Variants in SHC2 observed in about 807,000 individuals in gnomAD.
The protein encoded by SHC2 is SHC adaptor protein 2.
Under a neutral mutation model 60.6 loss-of-function variants are expected in SHC2, and 62 were observed. That is an observed-to-expected ratio of 1.02 (90% CI 0.83 to 1.26). The LOEUF (loss-of-function observed/expected upper bound fraction) is 1.26, where lower values mean the gene tolerates loss of function less well. Ranked by LOEUF, SHC2 falls within the 50% of genes most tolerant of loss-of-function variation. The pLI is 0.00. For missense variants in SHC2, 873 were observed against 822.2 expected, an observed-to-expected ratio of 1.06 and a Z score of -0.76; for synonymous variants, 375 against 372.4, an observed-to-expected ratio of 1.01 and a Z score of -0.08.
chr19:434,926 G>T, intron 7 of SHC2, 61 bp from the exon 8 acceptor site: 1 of 1,518,732 alleles, frequency 6.6e-7, no homozygotes, highest in Non-Finnish European at 8.9e-7. Context: ...AAAGCCTTAC[G>T]GCTTGAGCTT....
At position 419,042 on chromosome 19, in the gene SHC2, G is replaced by A. The variant is rs753185514; in HGVS notation, c.1635C>T (p.Asp545=). The A allele has an allele frequency of 1.8e-5, 28 of 1,583,642 alleles. No individual in the cohort carries two copies. Among genetic ancestry groups the A allele is most frequent in the South Asian group, 4.6e-5 (4 of 86,514 alleles). Residue 545 remains aspartate (D), a synonymous_variant, in exon 12 of 13, where the codon GAC becomes GAT. Coordinates refer to ENST00000264554, the MANE Select transcript of SHC2 (RefSeq NM_012435.3). ...GGTGGCTGATGCTCTCAAACAGCAC[G>A]TCCTTCGTCCGTACCTGCGGGACAG... ...VDPEGVVRTK[D]VLFESISHLI...
intron 1 of SHC2, among the ~76,000 whole-genome samples, chr19:450,095 G>A (rs1365061986): frequency 6.6e-6 from 1 of 152,226 alleles, no homozygotes; most frequent in Admixed American, 6.5e-5. Flanking sequence ...GGGGCGAGGG[G>A]TGTGTGCTGC....
intron 2 of SHC2, 31 bp from the exon 3 acceptor site, chr19:439,061 G>A: frequency 6.6e-7 from 1 of 1,518,816 alleles, no homozygotes; most frequent in Non-Finnish European, 9.0e-7. Flanking sequence ...CTTAGAGAGT[G>A]TGGTGGGGGT....
intron 1 of SHC2, among the ~76,000 whole-genome samples, chr19:442,725 G>A (rs1377389784): frequency 1.8e-5 from 2 of 110,624 alleles, no homozygotes; most frequent in East Asian, 5.9e-4. Context: ...ATGGATGGGT[G>A]GGTGGATGGA....
At chr19:452,948 C>A (rs1975237030) in intron 1 of SHC2, among the ~76,000 whole-genome samples, 1 of 152,216 alleles carries the variant, frequency 6.6e-6, no homozygotes, top group African/African-American at 2.4e-5. Context: ...AAGGGTTTGC[C>A]ATTTCCAGCC....
Position 450,881 on chromosome 19 carries a change from C to T in SHC2, c.468+9648G>A, listed in dbSNP as rs528287018. 9.8e-4 allele frequency among the ~76,000 whole-genome samples: 144 copies of T among 146,306 alleles called. 1 individual carries two copies. The highest frequency in any genetic ancestry group is 3.5e-3 in the African/African-American group (138 of 38,956). On this transcript the variant is annotated intron_variant, in intron 1 of 12. Transcript: ENST00000264554. ...TATTTCAGCGTGTGGATGGCCACGCCGTGGCCACATCATATTTCAGCGTGT... is the reference window on the plus strand; with the variant it reads ...TATTTCAGCGTGTGGATGGCCACGCTGTGGCCACATCATATTTCAGCGTGT...
intron 1 of SHC2, among the ~76,000 whole-genome samples, chr19:450,845 T>G (rs1186343770): frequency 6.6e-6 from 1 of 150,704 alleles, no homozygotes; most frequent in East Asian, 2.0e-4. Context: ...GGCCACGCCA[T>G]GGCTGTGCCG....
At chr19:418,810 G>C in intron 12 of SHC2, 113 bp downstream of exon 12, 3 of 1,241,596 alleles carry the variant, frequency 2.4e-6, no homozygotes, top group South Asian at 2.9e-5. Context: ...ACACCCCTGA[G>C]TCGTGCCCTC....
rs148828887 is a variant in SHC2 at position 425,895 on chromosome 19, G to A, written c.1175-664C>T. On this transcript the variant is annotated intron_variant, in intron 9 of 12. Transcript: ENST00000264554. This position sits in a 1 kb window ranked among gnomAD's most constrained non-coding sequence, Gnocchi z 4.1. ...AATGCAAAAATTAGCTAGGCGTGGT[G>A]GTGGGCGCCTGCAATCCCAGCTATT... Among the ~76,000 whole-genome samples, 751 of 152,216 alleles carry A rather than the reference G, an allele frequency of 4.9e-3. 6 individuals are homozygous for A. Among genetic ancestry groups the A allele is most frequent in the African/African-American group, 0.017 (714 of 41,542 alleles).
Position 436,193 on chromosome 19 carries a change from G to A in SHC2, c.925C>T (p.Pro309Ser), listed in dbSNP as rs763719039. Reference protein sequence around the residue: ...ELRFKQYLHSPPKVALPPERL... With the variant: ...ELRFKQYLHSSPKVALPPERL... ...TCTGGGGGCAGCGCCACCTTGGGCG[G>A]GCTGTGCAGGTACTGCTTGAAGCGC... is the stretch of plus-strand genomic sequence containing the variant. The change falls in exon 7 of 13, where the codon CCG becomes TCG. Residue 309 changes from proline to serine, a missense_variant. Transcript: ENST00000264554. 2.5e-6 allele frequency: 4 copies of A among 1,610,044 alleles called. No homozygotes were observed. The highest frequency in any genetic ancestry group is 3.4e-6 in the Non-Finnish European group (4 of 1,178,858).
chr19:421,100 A>G (rs1344292498), intron 11 of SHC2, among the ~76,000 whole-genome samples: 1 of 139,552 alleles, frequency 7.2e-6, no homozygotes, highest in East Asian at 2.3e-4. Context: ...GAGAGAGAGA[A>G]AAGAGTAAGA....
At chr19:435,971 A>C in intron 7 of SHC2, 194 bp downstream of exon 7, 1 of 582,826 alleles carries the variant, frequency 1.7e-6, no homozygotes, top group Non-Finnish European at 3.0e-6. Flanking sequence ...CCTGGGGGGC[A>C]GGCGGGGATG....
rs1363681588 is a variant in SHC2, at chr19:445,131, G to C, written c.469-4199C>G. Among the ~76,000 whole-genome samples, 2 of 152,262 alleles carry C rather than the reference G, an allele frequency of 1.3e-5. No individual in the cohort carries two copies. Among genetic ancestry groups the C allele is most frequent in the Non-Finnish European group, 2.9e-5 (2 of 68,048 alleles). ...GAGACCAGAAATTCAGGGCTTTTCT[G>C]TGAAATTCTCCCAGTTTGTAAATAT... On this transcript the variant is annotated intron_variant, in intron 1 of 12. Coordinates refer to ENST00000264554, the MANE Select transcript of SHC2 (RefSeq NM_012435.3). This position sits in a 1 kb window ranked among gnomAD's most constrained non-coding sequence, Gnocchi z 4.4.
chr19:427,387 C>T (rs967145931), intron 9 of SHC2, among the ~76,000 whole-genome samples: 10 of 152,126 alleles, frequency 6.6e-5, no homozygotes, highest in Non-Finnish European at 1.2e-4. Context: ...GAACGAGGGG[C>T]GCCTGCCGCG....
intron 5 of SHC2, 45 bp downstream of exon 5, chr19:436,585 A>AG (rs746591857): frequency 6.3e-6 from 10 of 1,593,012 alleles, no homozygotes; most frequent in African/African-American, 2.7e-5. Flanking sequence ...TCGCGGCCGG[A>AG]GGGGGGCGGC....
At chr19:427,198 C>G (rs1974437341) in intron 9 of SHC2, among the ~76,000 whole-genome samples, 1 of 152,162 alleles carries the variant, frequency 6.6e-6, no homozygotes, top group African/African-American at 2.4e-5. Flanking sequence ...CTAAAAAAAG[C>G]TCAACACAGA....
At chr19:442,187 A>C (rs1258971228) in intron 1 of SHC2, among the ~76,000 whole-genome samples, 1 of 151,896 alleles carries the variant, frequency 6.6e-6, no homozygotes, top group East Asian at 1.9e-4. Context: ...ACTGACAGAA[A>C]GATGGCAGGT....
chr19:449,659 C>G (rs6510777), intron 1 of SHC2, among the ~76,000 whole-genome samples: 89,595 of 150,958 alleles, frequency 0.59, 29,227 homozygotes, highest in African/African-American at 0.89. Context: ...ACAGTGGGAG[C>G]CTAAGGTAGG....
chr19:459,214 G>A (rs1366471752), intron 1 of SHC2, among the ~76,000 whole-genome samples: 1 of 142,614 alleles, frequency 7.0e-6, no homozygotes, highest in African/African-American at 3.0e-5. Context: ...TGAACCCAGC[G>A]TAGGGGGAAG....
Sources: allele counts gnomAD v4.1 joint callset (sites outside exome capture counted in the v4.1 genomes callset), GRCh38; gene constraint gnomAD v4.1.1; non-coding constraint Gnocchi (gnomAD v3.1); transcripts MANE v1.5; gene names NCBI Gene and HGNC (gene_info 2026-07-23, HGNC 2026-07-21).